Variants in STXBP5L observed in about 807,000 individuals in gnomAD.
STXBP5L encodes the protein syntaxin-binding protein 5-like.
Under a neutral mutation model 144.5 loss-of-function variants are expected in STXBP5L, and 65 were observed. The ratio of observed to expected loss-of-function variants is 0.45; its 90% CI spans 0.37 to 0.55. The LOEUF (loss-of-function observed/expected upper bound fraction) is 0.55, where lower values mean the gene tolerates loss of function less well. Ranked by LOEUF, STXBP5L falls within the 20% of genes least tolerant of loss-of-function variation. The probability of loss-of-function intolerance (pLI) is 0.00; values close to 1 mark genes in which losing one functional copy is unlikely to be tolerated. For missense variants in STXBP5L, 1,298 were observed against 1,405.5 expected (o/e 0.92, Z 1.22); for synonymous variants, 505 against 469.6 (o/e 1.08, Z -0.97).
intron 2 of STXBP5L, among the ~76,000 whole-genome samples, chr3:120,938,528 C>T (rs1201019456): frequency 6.6e-6 from 1 of 152,130 alleles, no homozygotes; most frequent in African/African-American, 2.4e-5. Context: ...TTGAGCAACC[C>T]AAATCCAAAA....
chr3:121,088,017 A>C (rs1365248526), intron 5 of STXBP5L, among the ~76,000 whole-genome samples: 1 of 152,156 alleles, frequency 6.6e-6, no homozygotes. Context: ...GAACCACATC[A>C]GACTATGTTA....
chr3:121,015,888 C>A (rs893263020), intron 3 of STXBP5L, among the ~76,000 whole-genome samples: 1 of 152,110 alleles, frequency 6.6e-6, no homozygotes. Flanking sequence ...GACACACAGA[C>A]CCATTATATC....
At chr3:120,990,575 A>AACCAAAACAGCATGGTACTGGT (rs779882484) in intron 3 of STXBP5L, among the ~76,000 whole-genome samples, 9 of 152,182 alleles carry the variant, frequency 5.9e-5, no homozygotes, top group African/African-American at 2.2e-4. Flanking sequence ...AGGCTACAGT[A>AACCAAAACAGCATGGTACTGGT]ACCAAAACAG....
intron 5 of STXBP5L, among the ~76,000 whole-genome samples, chr3:121,071,153 T>G (rs1048752020): frequency 6.6e-6 from 1 of 152,188 alleles, no homozygotes; most frequent in Non-Finnish European, 1.5e-5. Context: ...GTCGGTGGCT[T>G]TAGTATTACT....
chr3:121,000,147 G>A (rs1414682035), intron 3 of STXBP5L, among the ~76,000 whole-genome samples: 1 of 152,108 alleles, frequency 6.6e-6, no homozygotes, highest in Non-Finnish European at 1.5e-5. Context: ...GAATTTGAAT[G>A]TGAACCTCTC....
chr3:121,193,354 G>A (rs74869880), intron 9 of STXBP5L, among the ~76,000 whole-genome samples: 4 of 142,594 alleles, frequency 2.8e-5, no homozygotes, highest in Non-Finnish European at 4.6e-5. Context: ...AGAAATAGGA[G>A]CACTTTTACA....
rs146968631 is a variant in STXBP5L at position 121,352,695 on chromosome 3, C to G, written c.2177-26021C>G. 3.1e-4 allele frequency among the ~76,000 whole-genome samples: 47 copies of G among 152,110 alleles called. 1 individual carries two copies. The highest frequency in any genetic ancestry group is 2.5e-4 in the Non-Finnish European group (17 of 67,998). ...TATTTCTTTCTCTTGCCTGATTGCC[C>G]TGGCCAGAACTTCCAACATTATGTT... On this transcript the variant is annotated intron_variant, in intron 20 of 26. Coordinates refer to ENST00000471454, the MANE Select transcript of STXBP5L (RefSeq NM_001308330.2).
At chr3:121,322,645 T>A in intron 20 of STXBP5L, among the ~76,000 whole-genome samples, 1 of 151,910 alleles carries the variant, frequency 6.6e-6, no homozygotes, top group Non-Finnish European at 1.5e-5. Flanking sequence ...TGTATGTGTC[T>A]TTTTGGTAGA....
At chr3:121,145,218 T>G (rs563926660) in intron 7 of STXBP5L, among the ~76,000 whole-genome samples, 1 of 151,950 alleles carries the variant, frequency 6.6e-6, no homozygotes, top group South Asian at 2.1e-4. Flanking sequence ...AAATAAAATA[T>G]TAGGAGACAG....
intron 7 of STXBP5L, among the ~76,000 whole-genome samples, chr3:121,148,531 G>T (rs1395325546): frequency 6.6e-6 from 1 of 152,080 alleles, no homozygotes; most frequent in Non-Finnish European, 1.5e-5. Context: ...CCTCCTTAAT[G>T]ATGAATTAAT....
At position 121,170,065 on chromosome 3, in the gene STXBP5L, T is replaced by G. The variant is rs573025375; in HGVS notation, c.877+12438T>G. 2.0e-5 allele frequency among the ~76,000 whole-genome samples: 3 copies of G among 152,230 alleles called. No individual in the cohort carries two copies. In the South Asian group the frequency reaches 6.2e-4, roughly 32 times the overall value. ...ACTCAATCAAAACCGCACAACTACT[T>G]GGAAACTTAACAACGTGCTCCTGAC... On this transcript the variant is annotated intron_variant, in intron 9 of 26. Coordinates refer to ENST00000471454, the MANE Select transcript of STXBP5L (RefSeq NM_001308330.2).
Position 121,424,501 on chromosome 3 carries a change from G to C in STXBP5L, c.*5404G>C, listed in dbSNP as rs1435040134. The C allele has an allele frequency of 6.6e-6, 1 of 151,942 alleles. No homozygotes were observed. The highest frequency in any genetic ancestry group is 1.9e-4 in the East Asian group (1 of 5,130). 9.4% of individuals were successfully genotyped at this position (151,942 alleles called of 1,614,324 possible). On this transcript the variant is annotated 3_prime_UTR_variant, in exon 27 of 27. Coordinates refer to ENST00000471454, the MANE Select transcript of STXBP5L (RefSeq NM_001308330.2). ...TGCAAAGCCAGAAAATAAACTAGAT[G>C]GTGGTTTTGGACAATTGTACACAGG...
chr3:120,958,075 T>A (rs1253238915), intron 3 of STXBP5L, among the ~76,000 whole-genome samples: 2 of 152,052 alleles, frequency 1.3e-5, no homozygotes, highest in Non-Finnish European at 2.9e-5. Flanking sequence ...ATAAAGGGGA[T>A]ATCACCACCG....
chr3:120,968,697 T>G (rs1229222628), intron 3 of STXBP5L, among the ~76,000 whole-genome samples: 1 of 152,148 alleles, frequency 6.6e-6, no homozygotes, highest in Non-Finnish European at 1.5e-5. Context: ...ATACCCAATA[T>G]ATAGTCTTTT....
At chr3:121,156,233 C>T (rs536725491) in intron 8 of STXBP5L, among the ~76,000 whole-genome samples, 83 of 152,010 alleles carry the variant, frequency 5.5e-4, no homozygotes, top group Middle Eastern at 3.4e-3. Flanking sequence ...CTTTAGCCAT[C>T]AGTTATCTGC....
chr3:121,007,251 A>G (rs1472299497), intron 3 of STXBP5L, among the ~76,000 whole-genome samples: 1 of 152,060 alleles, frequency 6.6e-6, no homozygotes, highest in Non-Finnish European at 1.5e-5. Context: ...TGATTATGAT[A>G]CATTATCTAT....
At chr3:121,117,103 A>T (rs1165299697) in intron 6 of STXBP5L, among the ~76,000 whole-genome samples, 4 of 151,840 alleles carry the variant, frequency 2.6e-5, no homozygotes, top group African/African-American at 9.7e-5. Context: ...CTTTATTTTA[A>T]TGTGTTTATA....
At chr3:120,915,628 T>G (rs188338593) in intron 2 of STXBP5L, among the ~76,000 whole-genome samples, 1 of 152,118 alleles carries the variant, frequency 6.6e-6, no homozygotes, top group African/African-American at 2.4e-5. Context: ...CTTAATTCTT[T>G]TTAGTATTTG....
chr3:121,015,922 T>C (rs1045181690), intron 3 of STXBP5L, among the ~76,000 whole-genome samples: 2 of 152,242 alleles, frequency 1.3e-5, no homozygotes, highest in African/African-American at 2.4e-5. Flanking sequence ...AATCATAAAA[T>C]CATTGAGCAT....
Sources: allele counts gnomAD v4.1 joint callset (sites outside exome capture counted in the v4.1 genomes callset), GRCh38; gene constraint gnomAD v4.1.1; transcripts MANE v1.5; gene names NCBI Gene and HGNC (gene_info 2026-07-23, HGNC 2026-07-21).